Variants in SNX2 observed in about 807,000 individuals in gnomAD.
SNX2 encodes sorting nexin-2.
Under a neutral mutation model 69.9 loss-of-function variants are expected in SNX2, and 25 were observed. The observed-to-expected ratio is 0.36, with a 90% CI of 0.26 to 0.50. SNX2 has a LOEUF of 0.50. Among genes scored for constraint, SNX2 ranks in the 20% least tolerant of loss-of-function variants. SNX2 has a pLI of 0.97. For synonymous variants in SNX2, 229 were observed against 200.4 expected (o/e 1.14, Z -1.20); for missense variants, 551 against 613.3 (o/e 0.90, Z 1.07).
At chr5:122,827,740 A>G (rs1165889007) in intron 14 of SNX2, 94 bp downstream of exon 14, 9 of 831,656 alleles carry the variant, frequency 1.1e-5, no homozygotes, top group Non-Finnish European at 1.9e-6. Context: ...GGGCATTTAA[A>G]CTCAAGAATA....
chr5:122,808,171 CTGT>C (rs1753695281), intron 6 of SNX2, 103 bp from the exon 7 acceptor site: 4 of 669,112 alleles, frequency 6.0e-6, no homozygotes, highest in Non-Finnish European at 7.4e-6. Context: ...AAGTTTAGGG[CTGT>C]TAAGTTCAAA....
chr5:122,829,775 TACACAC>T lies in SNX2; in HGVS notation c.*158_*163del, dbSNP rs3990570. 90,705 of 522,200 alleles carry T rather than the reference TACACAC, an allele frequency of 0.17. 4,506 individuals carry two copies. Among genetic ancestry groups the T allele is most frequent in the East Asian group, 0.35 (10,538 of 30,136 alleles). 32.3% of individuals were successfully genotyped at this position (522,200 alleles called of 1,614,324 possible). A position where few individuals can be genotyped will look rare whatever the true frequency, so the allele number is the denominator to read the frequency against. On this transcript the variant is annotated 3_prime_UTR_variant, in exon 15 of 15. Coordinates refer to ENST00000379516, the MANE Select transcript of SNX2 (RefSeq NM_003100.4). ...TTTATGAATTACATGTGGTTTTATATACACACACACACACACACACACACACACACA... is the reference window on the plus strand; with the variant it reads ...TTTATGAATTACATGTGGTTTTATATACACACACACACACACACACACACA...
At position 122,797,168 on chromosome 5, in the gene SNX2, T is replaced by C. The variant is rs376424201; in HGVS notation, c.226+1785T>C. Among the ~76,000 whole-genome samples the C allele has an allele frequency of 3.3e-5, 5 of 152,198 alleles. No homozygotes were observed. In the South Asian group the frequency reaches 8.3e-4, roughly 25 times the overall value. ...GTCTTGAACTCCTGGCCTCAAACAG[T>C]CCTCCCACCTGGGTCTCCCAAAGTA... On this transcript the variant is annotated intron_variant, in intron 2 of 14. Transcript: ENST00000379516.
In SNX2 at chr5:122,801,652, C is replaced by CGTGTGTGTGTGTGTGTGTGTGT. The variant is rs61189602; in HGVS notation, c.391-200_391-179dup. 3.3e-4 allele frequency among the ~76,000 whole-genome samples: 43 copies of CGTGTGTGTGTGTGTGTGTGTGT among 132,120 alleles called. 1 individual carries two copies. Among genetic ancestry groups the CGTGTGTGTGTGTGTGTGTGTGT allele is most frequent in the African/African-American group, 1.2e-3 (39 of 33,650 alleles). The allele number at this position is 132,120 out of a possible 152,430, so 86.7% of individuals were successfully genotyped here. ...TGTTACTTCTCCAAATGGTCTTTTTCGTGTGTGTGTGTGTGTGTGTGTGTG... is the reference window on the plus strand; with the variant it reads ...TGTTACTTCTCCAAATGGTCTTTTTCGTGTGTGTGTGTGTGTGTGTGTGTGTGTGTGTGTGTGTGTGTGTGTG... On this transcript the variant is annotated intron_variant, in intron 3 of 14. Transcript: ENST00000379516.
chr5:122,778,656 G>A (rs1028262371), intron 1 of SNX2, among the ~76,000 whole-genome samples: 3 of 152,046 alleles, frequency 2.0e-5, no homozygotes, highest in Non-Finnish European at 4.4e-5. Flanking sequence ...CTACAGGCGT[G>A]CACCACCATG....
intron 1 of SNX2, among the ~76,000 whole-genome samples, chr5:122,793,602 A>G (rs929510765): frequency 2.0e-5 from 3 of 152,198 alleles, no homozygotes; most frequent in Admixed American, 6.5e-5. Flanking sequence ...TACTTCAATA[A>G]AAAGGTTTTT....
intron 1 of SNX2, among the ~76,000 whole-genome samples, chr5:122,778,201 A>G (rs976416383): frequency 1.3e-5 from 2 of 152,190 alleles, no homozygotes; most frequent in African/African-American, 4.8e-5. Flanking sequence ...TATATACCAC[A>G]TGCTCTTGAT....
intron 11 of SNX2, among the ~76,000 whole-genome samples, chr5:122,824,070 C>G (rs35548005): frequency 6.6e-6 from 1 of 151,924 alleles, no homozygotes; most frequent in African/African-American, 2.4e-5. Flanking sequence ...GGCATGGTGG[C>G]GGGTGCCTGT....
intron 1 of SNX2, among the ~76,000 whole-genome samples, chr5:122,782,725 T>C (rs1402643912): frequency 6.6e-6 from 1 of 151,186 alleles, no homozygotes; most frequent in Non-Finnish European, 1.5e-5. Flanking sequence ...TTAGTAGAGA[T>C]AGGGTTTCGC....
intron 7 of SNX2, among the ~76,000 whole-genome samples, chr5:122,812,348 CT>C (rs200212942): frequency 0.03 from 4,576 of 150,542 alleles, 129 homozygotes; most frequent in East Asian, 0.042. Flanking sequence ...CCAGACTAAC[CT>C]TTTGCTGCTT....
intron 11 of SNX2, among the ~76,000 whole-genome samples, chr5:122,823,224 C>G (rs115029381): frequency 2.0e-3 from 298 of 152,186 alleles, no homozygotes; most frequent in Non-Finnish European, 3.3e-3. Context: ...CACATTGTTA[C>G]GATTTAATTG....
At chr5:122,802,000 T>C in intron 4 of SNX2, 65 bp downstream of exon 4, 1 of 1,507,476 alleles carries the variant, frequency 6.6e-7, no homozygotes, top group South Asian at 1.2e-5. Context: ...GTATGGTTTT[T>C]CTTCATACAT....
Position 122,832,921 on chromosome 5 carries a change from T to C in SNX2, c.*3273T>C, listed in dbSNP as rs994393452. 6 of 152,178 alleles carry C rather than the reference T, an allele frequency of 3.9e-5. No homozygotes were observed. Among genetic ancestry groups the C allele is most frequent in the Non-Finnish European group, 7.4e-5 (5 of 68,022 alleles). The allele number at this position is 152,178 out of a possible 1,614,324, so 9.4% of individuals were successfully genotyped here. A position where few individuals can be genotyped will look rare whatever the true frequency, so the allele number is the denominator to read the frequency against. ...ATAGGCCAGTCAAAGTCATTTTGTT[T>C]TAAAGGAAGGGAGGTTGCTGGTAGT... On this transcript the variant is annotated 3_prime_UTR_variant, in exon 15 of 15. Coordinates refer to ENST00000379516, the MANE Select transcript of SNX2 (RefSeq NM_003100.4).
Position 122,808,346 on chromosome 5 carries a change from C to G in SNX2, c.713C>G (p.Ala238Gly). The G allele has an allele frequency of 6.2e-7, 1 of 1,607,592 alleles. No homozygotes were observed. The highest frequency in any genetic ancestry group is 8.5e-7 in the Non-Finnish European group (1 of 1,175,962). The change falls in exon 7 of 15, where the codon GCT (alanine) becomes GGT (glycine). Residue 238 changes from alanine (A) to glycine (G), a missense_variant. Ala to Gly is a moderately conservative substitution (Grantham distance 60). Transcript: ENST00000379516. The stretch of plus-strand genomic sequence containing the variant: ...GAGTTTGTAGAAAAACGGAGAGCAG[C>G]TCTTGAAAGGTAATTCTAGACAGCT... The part of the protein sequence containing the change: ...STEFVEKRRA[A>G]LERYLQRTVK...
rs566703525 is a variant in SNX2 at position 122,831,190 on chromosome 5, C to T, written c.*1542C>T. ...GAGTCACTGGATACAATTTATATATCGAAGTATCCTTAGCATGTGTTTGCT... is the reference window on the plus strand; with the variant it reads ...GAGTCACTGGATACAATTTATATATTGAAGTATCCTTAGCATGTGTTTGCT... On this transcript the variant is annotated 3_prime_UTR_variant, in exon 15 of 15. Transcript: ENST00000379516. 2.0e-5 allele frequency among the ~76,000 whole-genome samples: 3 copies of T among 152,068 alleles called. No individual in the cohort carries two copies. Among genetic ancestry groups the T allele is most frequent in the African/African-American group, 7.2e-5 (3 of 41,392 alleles).
intron 1 of SNX2, among the ~76,000 whole-genome samples, chr5:122,779,404 A>C (rs1229696909): frequency 6.6e-5 from 10 of 152,162 alleles, no homozygotes; most frequent in Non-Finnish European, 1.3e-4. Context: ...CTTTATATGA[A>C]TGGATCGTAT....
In SNX2 at chr5:122,793,643, C is replaced by T. The variant is rs186063000; in HGVS notation, c.109-1623C>T. Among the ~76,000 whole-genome samples the T allele has an allele frequency of 6.1e-4, 93 of 152,316 alleles. 3 individuals carry two copies. The East Asian group carries it at 0.014, about 22-fold the overall frequency. ...ACCTAGTTTTGGCCAGGCACAGTGG[C>T]TCACGCCTATAATCCCAGCACTTTG... is the stretch of plus-strand genomic sequence containing the variant. On this transcript the variant is annotated intron_variant, in intron 1 of 14. Transcript: ENST00000379516.
rs556613601 is a variant in SNX2 at position 122,787,520 on chromosome 5, C to G, written c.109-7746C>G. ...GGGGGACAGAGCAAGACTGTCCCCC[C>G]CCAAAAAAAAAAGAAAGAAAGAAAA... On this transcript the variant is annotated intron_variant, in intron 1 of 14. Coordinates refer to ENST00000379516, the MANE Select transcript of SNX2 (RefSeq NM_003100.4). Among the ~76,000 whole-genome samples the G allele has an allele frequency of 2.6e-5, 4 of 151,500 alleles. No homozygotes were observed. The East Asian group carries it at 5.8e-4, about 22-fold the overall frequency.
chr5:122,794,406 A>G (rs748894752), intron 1 of SNX2, among the ~76,000 whole-genome samples: 1 of 152,248 alleles, frequency 6.6e-6, no homozygotes, highest in Non-Finnish European at 1.5e-5. Context: ...GAAGCGATAG[A>G]AATTTTAGAA....
Sources: gnomAD v4.1 joint callset for allele counts (sites outside exome capture counted in the v4.1 genomes callset) on GRCh38, gnomAD v4.1.1 for gene constraint, MANE v1.5 for transcripts, NCBI Gene and HGNC (gene_info 2026-07-23, HGNC 2026-07-21) for gene names.